The following AFF2 variants were observed in gnomAD, a reference collection of about 807,000 sequenced individuals.
AFF2 encodes ALF transcription elongation factor 2.
In AFF2, 14 loss-of-function variants were observed where a neutral mutation model predicts 76.9. The observed-to-expected ratio is 0.18, with a 90% CI of 0.12 to 0.28. AFF2 has a LOEUF of 0.28. Among genes scored for constraint, AFF2 ranks in the 10% least tolerant of loss-of-function variants. The pLI is 1.00. For missense variants in AFF2, 868 were observed against 1,001.1 expected, an observed-to-expected ratio of 0.87 and a Z score of 1.79; for synonymous variants, 398 against 366.7, an observed-to-expected ratio of 1.09 and a Z score of -0.98.
At chrX:148,901,506 A>G (rs139559556) in intron 8 of AFF2, among the ~76,000 whole-genome samples, 53 of 112,042 alleles carry the variant, frequency 4.7e-4, no homozygotes, top group Non-Finnish European at 8.5e-4. Flanking sequence ...TGCAATCCCA[A>G]TATGTAACTG....
In AFF2 at chrX:148,663,407, A is replaced by G. The variant is rs781969481; in HGVS notation, c.1041+639A>G. 2.2e-3 allele frequency among the ~76,000 whole-genome samples: 244 copies of G among 112,335 alleles called. 2 individuals carry two copies. Among genetic ancestry groups the G allele is most frequent in the Non-Finnish European group, 4.1e-3 (217 of 53,298 alleles). ...TTTCATCCTTTCTGTCAAAGCAAAA[A>G]GCATTACGAGCAACCAAAAGCCCAC... is the stretch of plus-strand genomic sequence containing the variant. On this transcript the variant is annotated intron_variant, in intron 3 of 20. Coordinates refer to ENST00000370460, the MANE Select transcript of AFF2 (RefSeq NM_002025.4).
Position 148,953,719 on chromosome X carries a change from C to T in AFF2, c.1537C>T (p.Pro513Ser), listed in dbSNP as rs1557286895. 1 of 1,209,124 alleles carries T rather than the reference C, an allele frequency of 8.3e-7. No individual in the cohort carries two copies. Among genetic ancestry groups the T allele is most frequent in the Non-Finnish European group, 1.1e-6 (1 of 894,477 alleles). ...CACTGACAGCGAATCTAATGAGGCACCTCGTGTGGCAACTCCAGAGGTGAG... is the reference window on the plus strand; with the variant it reads ...CACTGACAGCGAATCTAATGAGGCATCTCGTGTGGCAACTCCAGAGGTGAG... ...STTDSESNEA[P>S]RVATPEPEPP... The change falls in exon 10 of 21, where the codon CCT (proline) becomes TCT (serine). Residue 513 changes from proline (P) to serine (S), a missense_variant. Pro to Ser is a moderately conservative substitution (Grantham distance 74, BLOSUM62 -1). Around this residue, in one of 6 missense-constraint regions of AFF2, gnomAD observed 532 missense variants for 564.2 expected, o/e 0.94. Transcript: ENST00000370460.
rs781864769 is a variant in AFF2 at position 148,883,178 on chromosome X, C to T, written c.1263-2711C>T. ...CTACTTCTACCTGAAGGAGAGAAAC[C>T]GGAAGACCACAAGCACATTTCTACA... On this transcript the variant is annotated intron_variant, in intron 7 of 20. Coordinates refer to ENST00000370460, the MANE Select transcript of AFF2 (RefSeq NM_002025.4). Among the ~76,000 whole-genome samples the T allele has an allele frequency of 2.4e-3, 270 of 111,535 alleles. 1 individual carries two copies. Among genetic ancestry groups the T allele is most frequent in the South Asian group, 5.0e-3 (13 of 2,612 alleles).
At chrX:148,611,674 C>A (rs926752969) in intron 1 of AFF2, among the ~76,000 whole-genome samples, 1 of 111,131 alleles carries the variant, frequency 9.0e-6, no homozygotes, top group Non-Finnish European at 1.9e-5. Context: ...CTGAGCCTTA[C>A]ATAGTCTCCA....
intron 1 of AFF2, among the ~76,000 whole-genome samples, chrX:148,615,384 G>A (rs1792868750): frequency 8.9e-6 from 1 of 111,904 alleles, no homozygotes; most frequent in Non-Finnish European, 1.9e-5. Flanking sequence ...TGACAGTGTC[G>A]TTTTGGTGGT....
chrX:148,843,378 T>C lies in AFF2; in HGVS notation c.1211-4T>C, dbSNP rs782485901. 4 of 1,201,297 alleles carry C rather than the reference T, an allele frequency of 3.3e-6. No homozygotes were observed. Among genetic ancestry groups the C allele is most frequent in the Non-Finnish European group, 3.4e-6 (3 of 888,767 alleles). On this transcript the variant is annotated splice_polypyrimidine_tract_variant and splice_region_variant and intron_variant, in intron 6 of 20. Coordinates refer to ENST00000370460, the MANE Select transcript of AFF2 (RefSeq NM_002025.4). ...CAGTAATTGTTTATATCTTTTCTTTTCAGAGTGGAATGACCCAACCACCAG... is the reference window on the plus strand; with the variant it reads ...CAGTAATTGTTTATATCTTTTCTTTCCAGAGTGGAATGACCCAACCACCAG...
At chrX:148,914,646 C>G (rs2071507095) in intron 9 of AFF2, among the ~76,000 whole-genome samples, 1 of 111,925 alleles carries the variant, frequency 8.9e-6, no homozygotes, top group Non-Finnish European at 1.9e-5. Flanking sequence ...TATAGAGTTC[C>G]TGTAAGCATT....
At chrX:148,531,393 T>C (rs1269360224) in intron 1 of AFF2, among the ~76,000 whole-genome samples, 1 of 112,302 alleles carries the variant, frequency 8.9e-6, no homozygotes, top group Non-Finnish European at 1.9e-5. Context: ...GAAGATACAG[T>C]AGGAAAACAT....
In AFF2 at chrX:149,000,082, TC is replaced by T. The variant is rs1331772656; in HGVS notation, c.*8752del. 1.8e-5 allele frequency: 2 copies of T among 111,723 alleles called. No homozygotes were observed. Among genetic ancestry groups the T allele is most frequent in the Non-Finnish European group, 3.8e-5 (2 of 53,125 alleles). The allele number at this position is 111,723 out of a possible 1,213,427, so 9.2% of individuals were successfully genotyped here. A position where few individuals can be genotyped will look rare whatever the true frequency, so the allele number is the denominator to read the frequency against. On this transcript the variant is annotated 3_prime_UTR_variant, in exon 21 of 21. Coordinates refer to ENST00000370460, the MANE Select transcript of AFF2 (RefSeq NM_002025.4). The stretch of plus-strand genomic sequence containing the variant: ...CTGCCTGGCTCCTATGAAGAAAACT[TC>T]CTGACGTCCTGTCCCCAAAGGAAGA...
chrX:148,891,315 C>A (rs2071220693), intron 8 of AFF2, among the ~76,000 whole-genome samples: 1 of 111,312 alleles, frequency 9.0e-6, no homozygotes, highest in Non-Finnish European at 1.9e-5. Context: ...GTTAAAGGAA[C>A]CCCTGAAAAT....
intron 1 of AFF2, among the ~76,000 whole-genome samples, chrX:148,560,010 C>T (rs2053092879): frequency 8.9e-6 from 1 of 112,034 alleles, no homozygotes; most frequent in South Asian, 3.7e-4. Context: ...TTTTTATTTG[C>T]ATTTCTCTAA....
rs957112849 is a variant in AFF2 at position 148,953,617 on chromosome X, C to A, written c.1435C>A (p.Gln479Lys). 5 of 1,209,817 alleles carry A rather than the reference C, an allele frequency of 4.1e-6. No homozygotes were observed. The Admixed American group carries it at 1.1e-4, about 26-fold the overall frequency. ...CACTCCCCAGCCCCCACCTGCAGTG[C>A]AAGCCAGCGGGGGTTCTGGCAGCTC... ...LATPQPPPAV[Q>K]ASGGSGSSSE... Residue 479 changes from glutamine (Q) to lysine (K), a missense_variant, in exon 10 of 21, where the codon CAA becomes AAA. Gln to Lys is a moderately conservative substitution (Grantham distance 53). This residue lies in a region of AFF2 where 532 missense variants were observed against 564.2 expected (regional missense o/e 0.94). Transcript: ENST00000370460.
At chrX:148,907,401 G>A (rs1557281541) in intron 9 of AFF2, among the ~76,000 whole-genome samples, 3 of 111,669 alleles carry the variant, frequency 2.7e-5, no homozygotes, top group Admixed American at 1.9e-4. Context: ...GTCCAGTCCT[G>A]TCGGGCGAAA....
intron 1 of AFF2, chrX:148,547,056 C>T (rs140407792): frequency 9.0e-6 from 1 of 111,670 alleles, no homozygotes; most frequent in African/African-American, 3.3e-5. Context: ...CCACAAACAC[C>T]GTAAAAAGTA....
intron 9 of AFF2, among the ~76,000 whole-genome samples, chrX:148,945,420 A>T (rs1009734335): frequency 8.9e-6 from 1 of 112,288 alleles, no homozygotes; most frequent in Non-Finnish European, 1.9e-5. Context: ...TCACCTTAAA[A>T]TTGGGTTTTA....
In AFF2 at chrX:148,824,634, G is replaced by A. The variant is rs192425304; in HGVS notation, c.1087-13013G>A. On this transcript the variant is annotated intron_variant, in intron 4 of 20. Transcript: ENST00000370460. ...GTGACAAGGGAAATTTAATAAATTC[G>A]TGCCTCTCCTTAGGGATCGGCTTAT... 4.1e-3 allele frequency among the ~76,000 whole-genome samples: 462 copies of A among 111,971 alleles called. 1 individual carries two copies. The highest frequency in any genetic ancestry group is 0.011 in the African/African-American group (348 of 30,813).
Position 148,500,918 on chromosome X carries a change from C to A in AFF2, c.-180C>A. ...CACTGCCGCCGCTTCCTCGCCGGAGCACAGGACCAGACACCTCCAGCGCCC... is the reference window on the plus strand; with the variant it reads ...CACTGCCGCCGCTTCCTCGCCGGAGAACAGGACCAGACACCTCCAGCGCCC... On this transcript the variant is annotated 5_prime_UTR_variant, in exon 1 of 21. Transcript: ENST00000370460. 3.9e-6 allele frequency: 2 copies of A among 512,911 alleles called. No individual in the cohort carries two copies. Among genetic ancestry groups the A allele is most frequent in the Non-Finnish European group, 5.9e-6 (2 of 337,153 alleles). The allele number at this position is 512,911 out of a possible 1,213,427, so 42.3% of individuals were successfully genotyped here.
chrX:148,848,838 T>C (rs2070698377), intron 7 of AFF2, among the ~76,000 whole-genome samples: 3 of 111,936 alleles, frequency 2.7e-5, no homozygotes, highest in Admixed American at 1.9e-4. Context: ...TTAACTTGTC[T>C]TGTATGCCCT....
At chrX:148,525,920 T>C (rs2124230054) in intron 1 of AFF2, among the ~76,000 whole-genome samples, 1 of 111,550 alleles carries the variant, frequency 9.0e-6, no homozygotes, top group East Asian at 2.8e-4. Context: ...CTCCACAGGG[T>C]ACCAGACTTT....
Sources: gnomAD v4.1 joint callset for allele counts (sites outside exome capture counted in the v4.1 genomes callset) on GRCh38, gnomAD v4.1.1 for gene constraint, gnomAD v4.1.1 regional missense constraint, MANE v1.5 for transcripts, NCBI Gene and HGNC (gene_info 2026-07-23, HGNC 2026-07-21) for gene names.